AGAP1: variants seen among roughly 807,000 people sequenced by gnomAD.
The protein encoded by AGAP1 is ArfGAP with GTPase domain, ankyrin repeat and PH domain 1.
In AGAP1, 29 loss-of-function variants were observed where a neutral mutation model predicts 105.3. The ratio of observed to expected loss-of-function variants is 0.28; its 90% CI spans 0.21 to 0.38. The LOEUF (loss-of-function observed/expected upper bound fraction) is 0.38. Among genes scored for constraint, AGAP1 ranks in the 10% least tolerant of loss-of-function variants. The pLI is 1.00. For missense variants in AGAP1, 998 were observed against 1,165.1 expected (o/e 0.86, Z 2.09); for synonymous variants, 509 against 485.9 (o/e 1.05, Z -0.63).
At chr2:236,023,106 T>A (rs967504476) in intron 13 of AGAP1, among the ~76,000 whole-genome samples, 3 of 152,094 alleles carry the variant, frequency 2.0e-5, no homozygotes, top group African/African-American at 7.2e-5. Context: ...AGGGTCATGG[T>A]AGAGGGAGAA....
chr2:236,059,159 T>C (rs1188895530), intron 16 of AGAP1, among the ~76,000 whole-genome samples: 1 of 150,450 alleles, frequency 6.6e-6, no homozygotes, highest in African/African-American at 2.5e-5. Flanking sequence ...AGACCGTATC[T>C]TTAAAAAAAA....
intron 7 of AGAP1, among the ~76,000 whole-genome samples, chr2:235,798,700 G>A (rs755163103): frequency 1.3e-5 from 2 of 151,910 alleles, no homozygotes; most frequent in African/African-American, 4.8e-5. Flanking sequence ...CAACGTGGCA[G>A]AACCACACCT....
rs776857976 is a variant in AGAP1, at chr2:236,053,239, G to A, written c.2114+3958G>A. On this transcript the variant is annotated intron_variant, in intron 16 of 17. Coordinates refer to ENST00000304032, the MANE Select transcript of AGAP1 (RefSeq NM_001037131.3). This position sits in a 1 kb window ranked among gnomAD's most constrained non-coding sequence, Gnocchi z 4.6. ...CAGAGGTGAAGATGTTAAAACAGTCGTGCGAACGTCTCCTGCATGAATGAA... is the reference window on the plus strand; with the variant it reads ...CAGAGGTGAAGATGTTAAAACAGTCATGCGAACGTCTCCTGCATGAATGAA... 3.4e-4 allele frequency among the ~76,000 whole-genome samples: 52 copies of A among 152,218 alleles called. No homozygotes were observed. Among genetic ancestry groups the A allele is most frequent in the Admixed American group, 4.6e-4 (7 of 15,280 alleles).
chr2:235,836,402 A>G lies in AGAP1; in HGVS notation c.1050+29071A>G, dbSNP rs551633278. Among the ~76,000 whole-genome samples the G allele has an allele frequency of 3.6e-4, 55 of 152,306 alleles. No homozygotes were observed. In the East Asian group the frequency reaches 5.6e-3, roughly 16 times the overall value. The stretch of plus-strand genomic sequence containing the variant: ...GGGGGCCGATAGAGGAGAAACACCA[A>G]CAAGTGGTCCTGTAGGAAATGCATC... On this transcript the variant is annotated intron_variant, in intron 9 of 17. Transcript: ENST00000304032.
At position 235,635,207 on chromosome 2, in the gene AGAP1, G is replaced by A. The variant is rs940642046; in HGVS notation, c.164-73972G>A. Among the ~76,000 whole-genome samples the A allele has an allele frequency of 2.0e-5, 3 of 152,196 alleles. No homozygotes were observed. The highest frequency in any genetic ancestry group is 6.5e-5 in the Admixed American group (1 of 15,272). On this transcript the variant is annotated intron_variant, in intron 1 of 17. Coordinates refer to ENST00000304032, the MANE Select transcript of AGAP1 (RefSeq NM_001037131.3). This position sits in a 1 kb window ranked among gnomAD's most constrained non-coding sequence, Gnocchi z 5.3. Reference sequence around the variant, plus strand: ...TGCCAGCCTTACCCTGACCCTGTGTGTGGCAGCAGTGGGTCGGTCAAACCT... The same window carrying A: ...TGCCAGCCTTACCCTGACCCTGTGTATGGCAGCAGTGGGTCGGTCAAACCT...
intron 1 of AGAP1, among the ~76,000 whole-genome samples, chr2:235,509,742 A>C (rs1479061794): frequency 6.6e-6 from 1 of 152,122 alleles, no homozygotes; most frequent in Non-Finnish European, 1.5e-5. Context: ...ATTTTCCAGA[A>C]TAAAATAGAA....
intron 10 of AGAP1, among the ~76,000 whole-genome samples, chr2:235,897,050 ATTTC>A (rs2124962687): frequency 6.6e-6 from 1 of 152,162 alleles, no homozygotes; most frequent in South Asian, 2.1e-4. Context: ...AAGTCCTCTT[ATTTC>A]TTTTTTTGTT....
chr2:235,606,560 C>T (rs192268798), intron 1 of AGAP1, among the ~76,000 whole-genome samples: 247 of 149,816 alleles, frequency 1.6e-3, no homozygotes, highest in African/African-American at 6.0e-3. Flanking sequence ...GTCACCAAAT[C>T]GAAAGCCAAT....
chr2:236,107,112 C>T (rs947351627), intron 16 of AGAP1, among the ~76,000 whole-genome samples: 1 of 151,842 alleles, frequency 6.6e-6, no homozygotes, highest in African/African-American at 2.4e-5. Flanking sequence ...CGTTCCCCCC[C>T]GCCCCACCCC....
chr2:235,698,928 G>T (rs1322934880), intron 1 of AGAP1, among the ~76,000 whole-genome samples: 2 of 152,196 alleles, frequency 1.3e-5, no homozygotes, highest in African/African-American at 4.8e-5. Flanking sequence ...AAACCCCAGG[G>T]TGGGTTTTTA....
intron 1 of AGAP1, among the ~76,000 whole-genome samples, chr2:235,702,687 T>C (rs1312682086): frequency 6.6e-6 from 1 of 152,204 alleles, no homozygotes; most frequent in Non-Finnish European, 1.5e-5. Flanking sequence ...AACCCCACTG[T>C]GAAATTGCCA....
rs200114461 is a variant in AGAP1 at position 235,494,853 on chromosome 2, A to G, written c.163+4A>G. 6.4e-7 allele frequency: 1 copy of G among 1,562,396 alleles called. No homozygotes were observed. Among genetic ancestry groups the G allele is most frequent in the Non-Finnish European group, 8.7e-7 (1 of 1,154,346 alleles). On this transcript the variant is annotated splice_donor_region_variant and intron_variant, in intron 1 of 17. Coordinates refer to ENST00000304032, the MANE Select transcript of AGAP1 (RefSeq NM_001037131.3). ...GAGCACGTCATCGCCATCGAAGGTG[A>G]GGGCCGGGCCGCCTTGGGGCCTCGG...
rs780299874 is a variant in AGAP1 at position 236,123,110 on chromosome 2, G to C, written c.2371-809G>C. Among the ~76,000 whole-genome samples the C allele has an allele frequency of 1.3e-5, 2 of 152,078 alleles. No individual in the cohort carries two copies. Among genetic ancestry groups the C allele is most frequent in the African/African-American group, 4.8e-5 (2 of 41,396 alleles). On this transcript the variant is annotated intron_variant, in intron 17 of 17. Transcript: ENST00000304032. The surrounding 1 kb of genome is among the most constrained non-coding windows in gnomAD (Gnocchi z 4.6). ...GGGTGGGGAGACAGGGTCTCACTCT[G>C]TTGCCCAGGCTGGAGTGCAGTGGTG...
rs767356700 is a variant in AGAP1 at position 235,864,904 on chromosome 2, T to A, written c.1051-18441T>A. Among the ~76,000 whole-genome samples, 1 of 152,202 alleles carries A rather than the reference T, an allele frequency of 6.6e-6. No homozygotes were observed. The highest frequency in any genetic ancestry group is 1.5e-5 in the Non-Finnish European group (1 of 68,034). The stretch of plus-strand genomic sequence containing the variant: ...TTTGGTTCTGGTTGGGACTTAATAA[T>A]GCTAGCCAGACCTAATGTGAACCAT... On this transcript the variant is annotated intron_variant, in intron 9 of 17. Transcript: ENST00000304032. This position sits in a 1 kb window ranked among gnomAD's most constrained non-coding sequence, Gnocchi z 5.0.
chr2:235,834,410 T>C (rs1051901303), intron 9 of AGAP1, among the ~76,000 whole-genome samples: 3 of 152,152 alleles, frequency 2.0e-5, no homozygotes, highest in African/African-American at 7.2e-5. Flanking sequence ...TCATCCTCTG[T>C]CCCTGCCTGC....
In AGAP1 at chr2:235,879,256, T is replaced by G. The variant is rs562291357; in HGVS notation, c.1051-4089T>G. On this transcript the variant is annotated intron_variant, in intron 9 of 17. Transcript: ENST00000304032. The surrounding 1 kb of genome is among the most constrained non-coding windows in gnomAD (Gnocchi z 5.0). ...CACAGCCGGGCTGAGCATGGGGTAG[T>G]GCTCCAGCCACTGAAAGAAAAGTGC... 1.7e-4 allele frequency among the ~76,000 whole-genome samples: 26 copies of G among 152,294 alleles called. No individual in the cohort carries two copies. The highest frequency in any genetic ancestry group is 6.3e-4 in the African/African-American group (26 of 41,558).
chr2:235,558,486 C>G (rs374029647), intron 1 of AGAP1, among the ~76,000 whole-genome samples: 1 of 152,130 alleles, frequency 6.6e-6, no homozygotes, highest in East Asian at 1.9e-4. Context: ...ATACTCAGAG[C>G]TTTTCCAGAA....
In AGAP1 at chr2:235,961,280, C is replaced by G. The variant is rs550630522; in HGVS notation, c.1484-7182C>G. Among the ~76,000 whole-genome samples, 72 of 152,346 alleles carry G rather than the reference C, an allele frequency of 4.7e-4. No homozygotes were observed. Among genetic ancestry groups the G allele is most frequent in the Admixed American group, 1.5e-3 (23 of 15,308 alleles). On this transcript the variant is annotated intron_variant, in intron 12 of 17. Coordinates refer to ENST00000304032, the MANE Select transcript of AGAP1 (RefSeq NM_001037131.3). The surrounding 1 kb of genome is among the most constrained non-coding windows in gnomAD (Gnocchi z 5.9). Reference sequence around the variant, plus strand: ...CCTCTCTTGGGGCTTCCTCCTTTGGCTCCTGGAGTCTAAAACTTCCTGGTG... The same window carrying G: ...CCTCTCTTGGGGCTTCCTCCTTTGGGTCCTGGAGTCTAAAACTTCCTGGTG...
At position 235,596,980 on chromosome 2, in the gene AGAP1, A is replaced by G. The variant is rs1185678422; in HGVS notation, c.163+102131A>G. 1.6e-4 allele frequency among the ~76,000 whole-genome samples: 24 copies of G among 152,150 alleles called. No homozygotes were observed. Among genetic ancestry groups the G allele is most frequent in the Non-Finnish European group, 1.5e-5 (1 of 68,020 alleles). ...CTCACCAGGAACCAAATTGACCAGT[A>G]CCTTGAACTTGGACTTCCAGCTGCC... On this transcript the variant is annotated intron_variant, in intron 1 of 17. Coordinates refer to ENST00000304032, the MANE Select transcript of AGAP1 (RefSeq NM_001037131.3). The surrounding 1 kb of genome is among the most constrained non-coding windows in gnomAD (Gnocchi z 5.9).
Sources: gnomAD v4.1 joint callset for allele counts (sites outside exome capture counted in the v4.1 genomes callset) on GRCh38, gnomAD v4.1.1 for gene constraint, Gnocchi (gnomAD v3.1) non-coding constraint, MANE v1.5 for transcripts, NCBI Gene and HGNC (gene_info 2026-07-23, HGNC 2026-07-21) for gene names.